Variants in MCMDC2 observed in about 807,000 individuals in gnomAD.
The protein encoded by MCMDC2 is minichromosome maintenance domain containing 2.
A neutral mutation model predicts 75.8 loss-of-function variants in MCMDC2; 54 were observed. The ratio of observed to expected loss-of-function variants is 0.71; its 90% CI spans 0.57 to 0.89. The LOEUF is 0.89. MCMDC2 is among the 40% of genes least tolerant of loss of function. The pLI is 0.00. For missense variants in MCMDC2, 656 were observed against 780.4 expected, an observed-to-expected ratio of 0.84 and a Z score of 1.90; for synonymous variants, 249 against 274.6, an observed-to-expected ratio of 0.91 and a Z score of 0.92.
chr8:66,909,612 C>T (rs1483937396), intron 14 of MCMDC2, among the ~76,000 whole-genome samples: 2 of 152,106 alleles, frequency 1.3e-5, no homozygotes, highest in African/African-American at 4.8e-5. Context: ...GAAAGACTGG[C>T]GCCGTTTTGC....
intron 13 of MCMDC2, among the ~76,000 whole-genome samples, chr8:66,903,280 G>GATTAT (rs1297727074): frequency 9.9e-5 from 15 of 152,112 alleles, no homozygotes; most frequent in Non-Finnish European, 1.9e-4. Context: ...GCTCTATGAA[G>GATTAT]ATAAATATAC....
chr8:66,905,218 T>C lies in MCMDC2; in HGVS notation c.1770-8T>C, dbSNP rs1331948142. ...CATATTTTCTTTGGCAACTATTTTCTTTTTTAGCGTTTTCCTATCTGAAGC... is the reference window on the plus strand; with the variant it reads ...CATATTTTCTTTGGCAACTATTTTCCTTTTTAGCGTTTTCCTATCTGAAGC... On this transcript the variant is annotated splice_region_variant and splice_polypyrimidine_tract_variant and intron_variant, in intron 13 of 14. Transcript: ENST00000422365. 7.1e-7 allele frequency: 1 copy of C among 1,400,434 alleles called. No individual in the cohort carries two copies. Among genetic ancestry groups the C allele is most frequent in the South Asian group, 1.9e-5 (1 of 53,334 alleles). The allele number at this position is 1,400,434 out of a possible 1,614,324, so 86.8% of individuals were successfully genotyped here. A position where few individuals can be genotyped will look rare whatever the true frequency, so the allele number is the denominator to read the frequency against.
chr8:66,881,677 G>A (rs899684816), intron 8 of MCMDC2, among the ~76,000 whole-genome samples: 10 of 151,494 alleles, frequency 6.6e-5, no homozygotes, highest in African/African-American at 1.7e-4. Flanking sequence ...TAGAGACTCC[G>A]TCTCAAAAAA....
At chr8:66,894,145 T>G (rs936501279) in intron 10 of MCMDC2, among the ~76,000 whole-genome samples, 1 of 152,192 alleles carries the variant, frequency 6.6e-6, no homozygotes, top group African/African-American at 2.4e-5. Flanking sequence ...GTTGCTGGAC[T>G]CCCATGTGTC....
At chr8:66,926,033 C>T (rs916083031), downstream of MCMDC2, among the ~76,000 whole-genome samples, 3 of 152,076 alleles carry the variant, frequency 2.0e-5, no homozygotes, top group Non-Finnish European at 2.9e-5. Flanking sequence ...CCTGTAGTCC[C>T]AGCTACCCGG....
intron 9 of MCMDC2, among the ~76,000 whole-genome samples, chr8:66,886,757 A>G (rs1811860978): frequency 6.6e-6 from 1 of 151,620 alleles, no homozygotes; most frequent in African/African-American, 2.4e-5. Flanking sequence ...CCTGGGCAAC[A>G]GAGCAAGACT....
downstream of MCMDC2, chr8:66,922,322 A>C (rs773140648): frequency 6.7e-6 from 2 of 299,122 alleles, no homozygotes; most frequent in Non-Finnish European, 1.3e-5. Context: ...CAAATCACTT[A>C]CTTGAGGTAA....
chr8:66,905,460 T>G, intron 14 of MCMDC2, 125 bp downstream of exon 14: 33 of 892,384 alleles, frequency 3.7e-5, no homozygotes, highest in Non-Finnish European at 4.1e-5. Flanking sequence ...AACAAATCTC[T>G]ACCAGGTAAG....
chr8:66,878,921 T>A lies in MCMDC2; in HGVS notation c.709+2T>A. ...AATCACTTACAATTTTCCTAAGAGGTAAGTGAATTCTGTTTGAACTAAAAA... is the reference window on the plus strand; with the variant it reads ...AATCACTTACAATTTTCCTAAGAGGAAAGTGAATTCTGTTTGAACTAAAAA... On this transcript the variant is annotated splice_donor_variant, in intron 7 of 14. Coordinates refer to ENST00000422365, the MANE Select transcript of MCMDC2 (RefSeq NM_173518.5). LOFTEE classifies it high-confidence loss of function. The A allele has an allele frequency of 6.4e-7, 1 of 1,572,210 alleles. No individual in the cohort carries two copies. Among genetic ancestry groups the A allele is most frequent in the Non-Finnish European group, 8.7e-7 (1 of 1,145,958 alleles).
chr8:66,885,910 T>G (rs1811815470), intron 9 of MCMDC2, among the ~76,000 whole-genome samples: 1 of 152,216 alleles, frequency 6.6e-6, no homozygotes, highest in Admixed American at 6.5e-5. Context: ...AAAATATTTT[T>G]GAATTGATCC....
At chr8:66,881,455 G>A (rs1320059916) in intron 8 of MCMDC2, among the ~76,000 whole-genome samples, 6 of 152,176 alleles carry the variant, frequency 3.9e-5, no homozygotes, top group Admixed American at 1.3e-4. Context: ...GTGGGAGGCC[G>A]AGGCAGGCAG....
chr8:66,899,550 C>T (rs768727208), intron 12 of MCMDC2, among the ~76,000 whole-genome samples: 29 of 152,096 alleles, frequency 1.9e-4, no homozygotes, highest in Non-Finnish European at 3.7e-4. Context: ...GGTTGGAGTG[C>T]AGAGGCGCCA....
chr8:66,875,245 A>G (rs900532034), intron 4 of MCMDC2, among the ~76,000 whole-genome samples: 1 of 152,040 alleles, frequency 6.6e-6, no homozygotes. Context: ...ATCCCTACAT[A>G]CTTTAGTATC....
intron 14 of MCMDC2, among the ~76,000 whole-genome samples, chr8:66,914,294 A>AC (rs1813226229): frequency 2.0e-5 from 3 of 151,672 alleles, no homozygotes; most frequent in African/African-American, 4.8e-5. Flanking sequence ...AAAAAAAAAA[A>AC]AAAAAAAAAA....
At chr8:66,911,117 G>A (rs1175827111) in intron 14 of MCMDC2, among the ~76,000 whole-genome samples, 1 of 152,186 alleles carries the variant, frequency 6.6e-6, no homozygotes, top group East Asian at 1.9e-4. Flanking sequence ...AGATTTGGGA[G>A]GGGTTGGGGT....
rs758696307 is a variant in MCMDC2 at position 66,896,329 on chromosome 8, G to A, written c.1439G>A (p.Gly480Asp). The A allele has an allele frequency of 5.6e-6, 9 of 1,604,594 alleles. No individual in the cohort carries two copies. Among genetic ancestry groups the A allele is most frequent in the Non-Finnish European group, 7.6e-6 (9 of 1,177,834 alleles). The change falls in exon 11 of 15, where the codon GGT (glycine) becomes GAT (aspartate). Residue 480 changes from glycine to aspartate, a missense_variant. By Grantham distance (94) the Gly-to-Asp change is moderately conservative. Transcript: ENST00000422365. ...RNAQKINTLI[G>D]QMDCSLIPAN... ...GCACAGAAAATCAACACTCTAATTGGTCAGATGGTAAGGTATATGTATATT... is the reference window on the plus strand; with the variant it reads ...GCACAGAAAATCAACACTCTAATTGATCAGATGGTAAGGTATATGTATATT...
At position 66,883,905 on chromosome 8, in the gene MCMDC2, G is replaced by A. The variant is rs1404081634; in HGVS notation, c.984G>A (p.Met328Ile). 2 of 1,614,038 alleles carry A rather than the reference G, an allele frequency of 1.2e-6. No individual in the cohort carries two copies. Among genetic ancestry groups the A allele is most frequent in the Admixed American group, 1.7e-5 (1 of 60,018 alleles). The change falls in exon 9 of 15, where the codon ATG becomes ATA. Residue 328 changes from methionine to isoleucine, a missense_variant. Transcript: ENST00000422365. ...TYNLLKLCLLMSLVQTTDRNK... is the reference protein window; with the variant it reads ...TYNLLKLCLLISLVQTTDRNK... ...ATTTGCTCAAGCTCTGTTTGTTGAT[G>A]AGTCTAGTACAGACAACTGACCGTA...
chr8:66,916,755 A>G (rs1813339137), intron 14 of MCMDC2, among the ~76,000 whole-genome samples: 1 of 152,146 alleles, frequency 6.6e-6, no homozygotes, highest in Non-Finnish European at 1.5e-5. Context: ...CTGGAAGCAT[A>G]GGAGGTAGAG....
At chr8:66,924,931 A>C (rs1813674210), downstream of MCMDC2, among the ~76,000 whole-genome samples, 1 of 152,208 alleles carries the variant, frequency 6.6e-6, no homozygotes, top group African/African-American at 2.4e-5. Flanking sequence ...TACAGTTTCA[A>C]AGCCACTCAC....
Sources: allele counts gnomAD v4.1 joint callset (sites outside exome capture counted in the v4.1 genomes callset), GRCh38; gene constraint gnomAD v4.1.1; transcripts MANE v1.5; gene names NCBI Gene and HGNC (gene_info 2026-07-23, HGNC 2026-07-21).